Variants in ATP6V0A1 observed in about 807,000 individuals in gnomAD.
ATP6V0A1 encodes V-type proton ATPase 116 kDa subunit a 1.
In ATP6V0A1, 43 loss-of-function variants were observed where a neutral mutation model predicts 105.4. The ratio of observed to expected loss-of-function variants is 0.41; its 90% confidence interval spans 0.32 to 0.53. The LOEUF is 0.53. Ranked by LOEUF, ATP6V0A1 falls within the 20% of genes least tolerant of loss-of-function variation. The probability of loss-of-function intolerance (pLI) is 0.30; values close to 1 mark genes in which losing one functional copy is unlikely to be tolerated. For missense variants in ATP6V0A1, 676 were observed against 1,051.1 expected (o/e 0.64, Z 4.93); for synonymous variants, 362 against 372.8 (o/e 0.97, Z 0.33).
At position 42,490,567 on chromosome 17, in the gene ATP6V0A1, C is replaced by T. The variant is rs755747011; in HGVS notation, c.1104C>T (p.Asn368=). 7.4e-6 allele frequency: 12 copies of T among 1,613,588 alleles called. 1 individual carries two copies. In the South Asian group the frequency reaches 7.7e-5, roughly 10 times the overall value. Residue 368 remains asparagine, a synonymous_variant, in exon 11 of 22, where the codon AAC becomes AAT. Transcript: ENST00000343619. Reference sequence around the variant, plus strand: ...CTCCCCCAACCTATAACAAAACCAACAAGTTTACCTATGGCTTTCAGAACA... The same window carrying T: ...CTCCCCCAACCTATAACAAAACCAATAAGTTTACCTATGGCTTTCAGAACA... The part of the protein sequence containing the change: ...NQTPPTYNKT[N]KFTYGFQNIV...
Position 42,466,517 on chromosome 17 carries a change from CT to C in ATP6V0A1, c.196+13del. ...ATGGATCGAAAGCTTCGTATGTGCA[CT>C]TTGGTCTTGTGTAATGTTCCTTTAA... On this transcript the variant is annotated intron_variant, in intron 3 of 21. Coordinates refer to ENST00000343619, the MANE Select transcript of ATP6V0A1 (RefSeq NM_001130021.3). 6.2e-7 allele frequency: 1 copy of C among 1,609,230 alleles called. No individual in the cohort carries two copies. Among genetic ancestry groups the C allele is most frequent in the Non-Finnish European group, 8.5e-7 (1 of 1,175,978 alleles).
At chr17:42,512,923 G>A (rs887065986) in intron 19 of ATP6V0A1, among the ~76,000 whole-genome samples, 3 of 152,218 alleles carry the variant, frequency 2.0e-5, no homozygotes, top group African/African-American at 4.8e-5. Context: ...ATAAGGGAGC[G>A]CCTCCTGGTC....
At chr17:42,500,557 G>A (rs143708691) in intron 15 of ATP6V0A1, 150 bp from the exon 16 acceptor site, 3 of 650,060 alleles carry the variant, frequency 4.6e-6, no homozygotes, top group African/African-American at 1.8e-5. Flanking sequence ...CATTGTCTCT[G>A]TTGTCTCCAG....
chr17:42,472,551 C>T (rs1253786998), intron 5 of ATP6V0A1, among the ~76,000 whole-genome samples: 2 of 86 alleles, frequency 0.023, no homozygotes, highest in South Asian at 0.17. Context: ...GGTGAAACCC[C>T]GTCTTCTACT....
chr17:42,477,797 T>A, intron 6 of ATP6V0A1, 55 bp downstream of exon 6: 1 of 1,419,132 alleles, frequency 7.0e-7, no homozygotes, highest in Non-Finnish European at 9.9e-7. Context: ...ATCTCTTCTG[T>A]TCAGAAGAGC....
intron 11 of ATP6V0A1, among the ~76,000 whole-genome samples, chr17:42,492,889 A>G (rs1254049707): frequency 2.6e-5 from 4 of 151,766 alleles, no homozygotes; most frequent in Non-Finnish European, 4.4e-5. Context: ...CTGGTGGTGC[A>G]TGCCTGTAAT....
Position 42,477,730 on chromosome 17 carries a change from CT to C in ATP6V0A1, c.497del (p.Leu166Ter). The C allele has an allele frequency of 6.2e-7, 1 of 1,613,536 alleles. No individual in the cohort carries two copies. Among genetic ancestry groups the C allele is most frequent in the Non-Finnish European group, 8.5e-7 (1 of 1,179,612 alleles). On this transcript the variant is annotated frameshift_variant, in exon 6 of 22. Transcript: ENST00000343619. LOFTEE classifies it high-confidence loss of function. ...LEPSEMGRGT[P>X]LRLGFVAGVI... is the part of the protein sequence containing the mutation. ...CCAAGTGAGATGGGAAGAGGCACTC[CT>C]TTAAGACTTGGGTAAGTGCCATGTC... is the stretch of plus-strand genomic sequence containing the variant.
At chr17:42,498,419 T>TA (rs903152916) in intron 14 of ATP6V0A1, among the ~76,000 whole-genome samples, 6 of 149,718 alleles carry the variant, frequency 4.0e-5, no homozygotes, top group Non-Finnish European at 7.4e-5. Flanking sequence ...AAAGCAAGAT[T>TA]AAAAAAAAAA....
At chr17:42,462,601 G>C (rs2086553882) in intron 2 of ATP6V0A1, among the ~76,000 whole-genome samples, 1 of 151,886 alleles carries the variant, frequency 6.6e-6, no homozygotes, top group African/African-American at 2.4e-5. Flanking sequence ...TGTATTTTTA[G>C]TAGAGACGGG....
rs144820389 is a variant in ATP6V0A1 at position 42,493,199 on chromosome 17, A to T, written c.1175-1135A>T. On this transcript the variant is annotated intron_variant, in intron 11 of 21. Transcript: ENST00000343619. ...TTCCAAGGTTAGACAGAAAAAATGT[A>T]GCAAGTATTGGCCACTTTAGGTACA... Among the ~76,000 whole-genome samples, 146 of 152,302 alleles carry T rather than the reference A, an allele frequency of 9.6e-4. 3 individuals carry two copies. In the East Asian group the frequency reaches 0.014, roughly 14 times the overall value.
At chr17:42,479,692 C>T (rs924476852) in intron 7 of ATP6V0A1, among the ~76,000 whole-genome samples, 2 of 152,146 alleles carry the variant, frequency 1.3e-5, no homozygotes, top group African/African-American at 2.4e-5. Flanking sequence ...TCCTCCATGC[C>T]GTGGAGGAGT....
At chr17:42,496,789 TC>T (rs1286823208) in intron 14 of ATP6V0A1, among the ~76,000 whole-genome samples, 1 of 151,956 alleles carries the variant, frequency 6.6e-6, no homozygotes, top group Non-Finnish European at 1.5e-5. Flanking sequence ...TGAGCCCAGA[TC>T]GTGCCACTGC....
rs375112488 is a variant in ATP6V0A1, at chr17:42,501,277, C to T, written c.1977C>T (p.Arg659=). Residue 659 remains arginine, a synonymous_variant, in exon 17 of 22, where the codon CGC becomes CGT. Transcript: ENST00000343619. ...WMLLFKPLVL[R]RQYLRRKHLG... is the part of the protein sequence containing the mutation. ...TGCTGTTTAAACCATTGGTCCTTCG[C>T]CGTCAGTATTTGAGGAGAAAGCATT... 1.2e-5 allele frequency: 20 copies of T among 1,613,866 alleles called. No individual in the cohort carries two copies. The highest frequency in any genetic ancestry group is 1.7e-5 in the Admixed American group (1 of 59,958).
rs543592180 is a variant in ATP6V0A1 at position 42,467,108 on chromosome 17, C to G, written c.196+601C>G. On this transcript the variant is annotated intron_variant, in intron 3 of 21. Coordinates refer to ENST00000343619, the MANE Select transcript of ATP6V0A1 (RefSeq NM_001130021.3). ...CTTGCAGTGAGCTGAGATCGCACCA[C>G]TGCACTCCAGCCTGGGCGACAGAGC... 2.6e-5 allele frequency among the ~76,000 whole-genome samples: 4 copies of G among 151,174 alleles called. No individual in the cohort carries two copies. The South Asian group carries it at 8.4e-4, about 32-fold the overall frequency.
intron 4 of ATP6V0A1, 47 bp downstream of exon 4, chr17:42,468,154 C>A: frequency 1.5e-6 from 2 of 1,318,946 alleles, no homozygotes; most frequent in Non-Finnish European, 2.1e-6. Flanking sequence ...TACTTGAACG[C>A]AGAAATTACT....
chr17:42,488,043 G>T, intron 10 of ATP6V0A1, among the ~76,000 whole-genome samples: 1 of 152,142 alleles, frequency 6.6e-6, no homozygotes, highest in East Asian at 1.9e-4. Context: ...TAGTTAATTA[G>T]AACAACTACT....
chr17:42,516,692 G>A (rs775307167), intron 21 of ATP6V0A1, among the ~76,000 whole-genome samples: 13 of 152,222 alleles, frequency 8.5e-5, no homozygotes, highest in Admixed American at 5.2e-4. Context: ...GAGCAAGGCC[G>A]CCTGGGCTTG....
At chr17:42,506,025 T>C (rs1440898468) in intron 17 of ATP6V0A1, among the ~76,000 whole-genome samples, 3 of 152,154 alleles carry the variant, frequency 2.0e-5, no homozygotes, top group African/African-American at 4.8e-5. Context: ...TGACCTCAGG[T>C]GATCTGCCTG....
intron 21 of ATP6V0A1, among the ~76,000 whole-genome samples, chr17:42,514,758 G>T (rs1183558964): frequency 6.6e-6 from 1 of 152,128 alleles, no homozygotes; most frequent in Non-Finnish European, 1.5e-5. Context: ...GGCTTAAAGG[G>T]GCTGCTGGGG....
Sources: gnomAD v4.1 joint callset for allele counts (sites outside exome capture counted in the v4.1 genomes callset) on GRCh38, gnomAD v4.1.1 for gene constraint, MANE v1.5 for transcripts, NCBI Gene and HGNC (gene_info 2026-07-23, HGNC 2026-07-21) for gene names.